Variants in TRIM28 observed in about 807,000 individuals in gnomAD.
TRIM28 encodes tripartite motif containing 28, also known as transcription intermediary factor 1-beta.
In TRIM28, 8 loss-of-function variants were observed where a neutral mutation model predicts 87.4. The ratio of observed to expected loss-of-function variants is 0.09; its 90% confidence interval spans 0.05 to 0.17. TRIM28 has a LOEUF of 0.17. Among genes scored for constraint, TRIM28 ranks in the 10% least tolerant of loss-of-function variants. The probability of loss-of-function intolerance (pLI) is 1.00; values close to 1 mark genes in which losing one functional copy is unlikely to be tolerated. For missense variants in TRIM28, 968 were observed against 1,131.8 expected (o/e 0.86, Z 2.08); for synonymous variants, 601 against 454.3 (o/e 1.32, Z -4.11).
chr19:58,549,594 G>A lies in TRIM28; in HGVS notation c.1926G>A (p.Gln642=), dbSNP rs2053795462. 6.2e-7 allele frequency: 1 copy of A among 1,614,016 alleles called. No individual in the cohort carries two copies. Among genetic ancestry groups the A allele is most frequent in the Admixed American group, 1.7e-5 (1 of 59,994 alleles). ...CAGGCGATCTGGTTATGTGCAACCA[G>A]TGTGAGTTTTGTTTCCACCTGGACT... is the stretch of plus-strand genomic sequence containing the variant. The part of the protein sequence containing the change: ...QKPGDLVMCN[Q]CEFCFHLDCH... The change falls in exon 13 of 17, where the codon CAG becomes CAA. Residue 642 remains glutamine (Q), a synonymous_variant. Transcript: ENST00000253024. This position sits in a 1 kb window ranked among gnomAD's most constrained non-coding sequence, Gnocchi z 4.4.
rs1568661171 is a variant in TRIM28, at chr19:58,548,087, C to T, written c.1008C>T (p.Thr336=). The T allele has an allele frequency of 6.2e-7, 1 of 1,614,208 alleles. No homozygotes were observed. Among genetic ancestry groups the T allele is most frequent in the Non-Finnish European group, 8.5e-7 (1 of 1,180,034 alleles). The change falls in exon 7 of 17, where the codon ACC becomes ACT. Residue 336 remains threonine (T), a synonymous_variant. Transcript: ENST00000253024. The part of the protein sequence containing the change: ...ERLERQHWTM[T]KIQKHQEHIL... The stretch of plus-strand genomic sequence containing the variant: ...TGGAGCGGCAGCACTGGACCATGAC[C>T]AAGATCCAGAAGCACCAGGAGCACA...
chr19:58,548,229 C>A (rs912830457), intron 7 of TRIM28, 49 bp downstream of exon 7: 2 of 1,613,340 alleles, frequency 1.2e-6, no homozygotes, highest in South Asian at 2.2e-5. Context: ...AGGTGGTTCC[C>A]AATACCTCAA....
In TRIM28 at chr19:58,549,618, C is replaced by T. The variant is rs369075383; in HGVS notation, c.1950C>T (p.Asp650=). The T allele has an allele frequency of 7.0e-5, 113 of 1,613,492 alleles. 1 individual carries two copies. Among genetic ancestry groups the T allele is most frequent in the South Asian group, 6.9e-4 (63 of 91,050 alleles). ...CNQCEFCFHL[D]CHLPALQDVP... ...AGTGTGAGTTTTGTTTCCACCTGGA[C>T]TGTCACCTGCCGGCCCTGCAGGATG... The change falls in exon 13 of 17, where the codon GAC becomes GAT. Residue 650 remains aspartate (D), a synonymous_variant. Coordinates refer to ENST00000253024, the MANE Select transcript of TRIM28 (RefSeq NM_005762.3). This position sits in a 1 kb window ranked among gnomAD's most constrained non-coding sequence, Gnocchi z 4.4.
intron 3 of TRIM28, among the ~76,000 whole-genome samples, chr19:58,546,940 G>C (rs1468883432): frequency 6.6e-6 from 1 of 152,040 alleles, no homozygotes; most frequent in African/African-American, 2.4e-5. Context: ...GTGTTCTCTT[G>C]TCAGGGAAGA....
chr19:58,548,870 C>G lies in TRIM28; in HGVS notation c.1369C>G (p.Pro457Ala). The change falls in exon 11 of 17, where the codon CCC (proline) becomes GCC (alanine). Residue 457 changes from proline to alanine, a missense_variant. Coordinates refer to ENST00000253024, the MANE Select transcript of TRIM28 (RefSeq NM_005762.3). ...TTTCTCCATTTTCTAAGGAGATGATCCCTACTCAAGTGCAGAGCCCCATGT... is the reference window on the plus strand; with the variant it reads ...TTTCTCCATTTTCTAAGGAGATGATGCCTACTCAAGTGCAGAGCCCCATGT... ...EGYGFGSGDD[P>A]YSSAEPHVSG... 2 of 1,614,082 alleles carry G rather than the reference C, an allele frequency of 1.2e-6. No individual in the cohort carries two copies. Among genetic ancestry groups the G allele is most frequent in the Non-Finnish European group, 1.7e-6 (2 of 1,179,994 alleles).
In TRIM28 at chr19:58,548,156, A is replaced by G. The variant is rs1437095240; in HGVS notation, c.1077A>G (p.Thr359=). The change falls in exon 7 of 17, where the codon ACA becomes ACG. Residue 359 remains threonine, a synonymous_variant. Coordinates refer to ENST00000253024, the MANE Select transcript of TRIM28 (RefSeq NM_005762.3). Reference sequence around the variant, plus strand: ...GGGCTCTGGAGAGTGACAACAACACAGCCCTTTTGCTTTCTAAGAAGTTGG... The same window carrying G: ...GGGCTCTGGAGAGTGACAACAACACGGCCCTTTTGCTTTCTAAGAAGTTGG... ...ASWALESDNN[T]ALLLSKKLIY... The G allele has an allele frequency of 6.2e-7, 1 of 1,614,096 alleles. No individual in the cohort carries two copies.
chr19:58,549,528 C>G lies in TRIM28; in HGVS notation c.1860C>G (p.Thr620=). The change falls in exon 13 of 17, where the codon ACC becomes ACG. Residue 620 remains threonine (T), a synonymous_variant. Coordinates refer to ENST00000253024, the MANE Select transcript of TRIM28 (RefSeq NM_005762.3). The surrounding 1 kb of genome is among the most constrained non-coding windows in gnomAD (Gnocchi z 4.4). ...CAGCCCCAGGTGGTGGCCCGGGAAC[C>G]CTGGATGACAGTGCCACCATTTGCC... ...GTSAPGGGPG[T]LDDSATICRV... is the part of the protein sequence containing the mutation. The G allele has an allele frequency of 6.2e-7, 1 of 1,614,016 alleles. No homozygotes were observed. The highest frequency in any genetic ancestry group is 8.5e-7 in the Non-Finnish European group (1 of 1,179,998).
At position 58,545,049 on chromosome 19, in the gene TRIM28, G is replaced by T. The variant is rs1255142795; in HGVS notation, c.292G>T (p.Ala98Ser). The T allele has an allele frequency of 2.1e-6, 3 of 1,456,386 alleles. No homozygotes were observed. Among genetic ancestry groups the T allele is most frequent in the South Asian group, 1.4e-5 (1 of 72,778 alleles). 90.2% of individuals were successfully genotyped at this position (1,456,386 alleles called of 1,614,324 possible). ...TGCCTGCTTAGGGCCCGCGGCCCCC[G>T]CCGCCGCCAACAGCTCGGGGGACGG... ...CSACLGPAAP[A>S]AANSSGDGGA... The change falls in exon 1 of 17, where the codon GCC becomes TCC. Residue 98 changes from alanine (A) to serine (S), a missense_variant. Ala to Ser is a moderately conservative substitution (Grantham distance 99, BLOSUM62 1). Coordinates refer to ENST00000253024, the MANE Select transcript of TRIM28 (RefSeq NM_005762.3).
chr19:58,545,077 G>T lies in TRIM28; in HGVS notation c.320G>T (p.Gly107Val). ...PAAANSSGDGGAAGDGTVVDC... is the reference protein window; with the variant it reads ...PAAANSSGDGVAAGDGTVVDC... ...GCCGCCAACAGCTCGGGGGACGGCG[G>T]GGCGGCGGGCGACGGCACCGGTAAG... is the stretch of plus-strand genomic sequence containing the variant. The change falls in exon 1 of 17, where the codon GGG becomes GTG. Residue 107 changes from glycine (G) to valine (V), a missense_variant. Gly to Val is a moderately radical substitution (Grantham distance 109, BLOSUM62 -3). Around this residue, in one of 11 missense-constraint regions of TRIM28, gnomAD observed 208 missense variants for 170.9 expected, o/e 1.22. Transcript: ENST00000253024. 7.0e-7 allele frequency: 1 copy of T among 1,437,714 alleles called. No homozygotes were observed. The highest frequency in any genetic ancestry group is 9.0e-7 in the Non-Finnish European group (1 of 1,108,782). The allele number at this position is 1,437,714 out of a possible 1,614,324, so 89.1% of individuals were successfully genotyped here.
chr19:58,546,542 G>A (rs914413858), intron 3 of TRIM28, among the ~76,000 whole-genome samples: 1 of 152,186 alleles, frequency 6.6e-6, no homozygotes, highest in Admixed American at 6.5e-5. Context: ...GGAAGATAGC[G>A]GGAAGGTGGT....
At chr19:58,545,968 T>G in intron 3 of TRIM28, 72 bp downstream of exon 3, 1 of 1,527,358 alleles carries the variant, frequency 6.5e-7, no homozygotes, top group African/African-American at 1.4e-5. Context: ...ATGATGTTGG[T>G]TGCATCTGGT....
chr19:58,545,129 C>T, intron 1 of TRIM28, 32 bp downstream of exon 1: 3 of 1,389,628 alleles, frequency 2.2e-6, no homozygotes, highest in Non-Finnish European at 2.8e-6. Context: ...CCACCCCTCC[C>T]CCTACTCTCT....
Position 58,548,846 on chromosome 19 carries a change from T to G in TRIM28, c.1361-16T>G. ...TTCTACCCCAACCTGCCAGTCTTCT[T>G]TCTCCATTTTCTAAGGAGATGATCC... On this transcript the variant is annotated splice_polypyrimidine_tract_variant and intron_variant, in intron 10 of 16. Transcript: ENST00000253024. 6.2e-7 allele frequency: 1 copy of G among 1,614,044 alleles called. No homozygotes were observed. The highest frequency in any genetic ancestry group is 8.5e-7 in the Non-Finnish European group (1 of 1,179,974).
intron 3 of TRIM28, among the ~76,000 whole-genome samples, chr19:58,546,712 A>G (rs990076881): frequency 2.0e-5 from 3 of 152,104 alleles, no homozygotes; most frequent in Non-Finnish European, 4.4e-5. Flanking sequence ...TTTGGTTGGT[A>G]TGTGGGACCA....
rs1382447025 is a variant in TRIM28 at position 58,547,587 on chromosome 19, C to T, written c.723-10C>T. ...GCTTAGTGCTCAGGAACACATCTGT[C>T]TGCTCTCAGGTACCAGTTCTTAGAG... On this transcript the variant is annotated splice_polypyrimidine_tract_variant and intron_variant, in intron 4 of 16. Coordinates refer to ENST00000253024, the MANE Select transcript of TRIM28 (RefSeq NM_005762.3). 1 of 1,613,900 alleles carries T rather than the reference C, an allele frequency of 6.2e-7. No individual in the cohort carries two copies. The highest frequency in any genetic ancestry group is 1.3e-5 in the African/African-American group (1 of 75,046).
Position 58,547,125 on chromosome 19 carries a change from C to A in TRIM28, c.587-251C>A, listed in dbSNP as rs570975609. On this transcript the variant is annotated intron_variant, in intron 3 of 16. Transcript: ENST00000253024. ...CTTTTTCTAGACGCTGTTATCCTTA[C>A]CCTTACATTGTTGTTATCTCTAGAA... The A allele has an allele frequency of 8.1e-6, 4 of 495,266 alleles. No homozygotes were observed. The Admixed American group carries it at 1.1e-4, about 13-fold the overall frequency. The allele number at this position is 495,266 out of a possible 1,614,324, so 30.7% of individuals were successfully genotyped here.
At position 58,549,684 on chromosome 19, in the gene TRIM28, T is replaced by C; in HGVS notation, c.1982+34T>C. 1 of 1,602,348 alleles carries C rather than the reference T, an allele frequency of 6.2e-7. No homozygotes were observed. The highest frequency in any genetic ancestry group is 1.7e-4 in the Middle Eastern group (1 of 6,008). On this transcript the variant is annotated intron_variant, in intron 13 of 16. Coordinates refer to ENST00000253024, the MANE Select transcript of TRIM28 (RefSeq NM_005762.3). This position sits in a 1 kb window ranked among gnomAD's most constrained non-coding sequence, Gnocchi z 4.4. ...GAGGCTGGTGGGGGTCAAGTCTGGG[T>C]GTTGGGCTGTCTGGACAGGATCATG...
chr19:58,546,338 A>G (rs981779618), intron 3 of TRIM28, among the ~76,000 whole-genome samples: 1 of 152,186 alleles, frequency 6.6e-6, no homozygotes, highest in Non-Finnish European at 1.5e-5. Context: ...GAAGTGTTTT[A>G]GCTTTTGAGT....
At position 58,545,548 on chromosome 19, in the gene TRIM28, T is replaced by G; in HGVS notation, c.453+11T>G. On this transcript the variant is annotated intron_variant, in intron 2 of 16. Transcript: ENST00000253024. ...CAGGATGCGAACCAGGTGCGTCCTA[T>G]CTCAGCAACCACAAGGAGGTTTCTG... 6.3e-7 allele frequency: 1 copy of G among 1,599,450 alleles called. No homozygotes were observed. The highest frequency in any genetic ancestry group is 8.6e-7 in the Non-Finnish European group (1 of 1,168,692).
Sources: allele counts gnomAD v4.1 joint callset (sites outside exome capture counted in the v4.1 genomes callset), GRCh38; gene constraint gnomAD v4.1.1; regional missense constraint gnomAD v4.1.1; non-coding constraint Gnocchi (gnomAD v3.1); transcripts MANE v1.5; gene names NCBI Gene and HGNC (gene_info 2026-07-23, HGNC 2026-07-21).